Variants in UBR1 observed in about 807,000 individuals in gnomAD.
The protein encoded by UBR1 is ubiquitin protein ligase E3 component n-recognin 1.
In UBR1, 102 loss-of-function variants were observed where a neutral mutation model predicts 242.1. That is an observed-to-expected ratio of 0.42 (90% CI 0.36 to 0.50). The LOEUF is 0.50. UBR1 is among the 20% of genes least tolerant of loss of function. The pLI is 0.01. For synonymous variants in UBR1, 675 were observed against 684.8 expected (o/e 0.99, Z 0.22); for missense variants, 1,772 against 2,101.8 (o/e 0.84, Z 3.07).
At position 42,945,279 on chromosome 15, in the gene UBR1, A is replaced by C; in HGVS notation, c.*50T>G. On this transcript the variant is annotated 3_prime_UTR_variant, in exon 47 of 47. Coordinates refer to ENST00000290650, the MANE Select transcript of UBR1 (RefSeq NM_174916.3). ...AGAAAGTTTTCCATAATTTTGAATC[A>C]GCCTTTACTACTGTCGTCATTTGTG... The C allele has an allele frequency of 6.2e-7, 1 of 1,613,740 alleles. No homozygotes were observed. Among genetic ancestry groups the C allele is most frequent in the Non-Finnish European group, 8.5e-7 (1 of 1,179,802 alleles).
chr15:43,087,543 C>T (rs1439675936), intron 1 of UBR1, among the ~76,000 whole-genome samples: 1 of 152,078 alleles, frequency 6.6e-6, no homozygotes, highest in Non-Finnish European at 1.5e-5. Context: ...ATTCCATTCA[C>T]AAATAAATTC....
rs1567102883 is a variant in UBR1 at position 42,943,148 on chromosome 15, T to C, written c.*2181A>G. ...CACTAAAAGGTGAACTCACAGCCCA[T>C]ACACCAATATAATAAATTAATTATA... On this transcript the variant is annotated 3_prime_UTR_variant, in exon 47 of 47. Coordinates refer to ENST00000290650, the MANE Select transcript of UBR1 (RefSeq NM_174916.3). 6.6e-6 allele frequency: 1 copy of C among 152,556 alleles called. No individual in the cohort carries two copies. The highest frequency in any genetic ancestry group is 2.4e-5 in the African/African-American group (1 of 41,424). 9.5% of individuals were successfully genotyped at this position (152,556 alleles called of 1,614,324 possible).
At chr15:43,065,486 C>G (rs571252431) in intron 6 of UBR1, among the ~76,000 whole-genome samples, 129 of 152,248 alleles carry the variant, frequency 8.5e-4, no homozygotes, top group African/African-American at 3.0e-3. Context: ...GATCCATTAG[C>G]GATTCTTCCT....
chr15:43,050,728 A>C (rs2033544764), intron 12 of UBR1, among the ~76,000 whole-genome samples: 1 of 151,798 alleles, frequency 6.6e-6, no homozygotes, highest in African/African-American at 2.4e-5. Flanking sequence ...CGTCTTAAAA[A>C]AAAAAAAAAA....
chr15:43,059,876 A>T, intron 7 of UBR1, 51 bp from the exon 8 acceptor site: 1 of 1,606,460 alleles, frequency 6.2e-7, no homozygotes, highest in South Asian at 1.1e-5. Flanking sequence ...ATTTGCTTTT[A>T]GTTAAGGGAT....
intron 37 of UBR1, among the ~76,000 whole-genome samples, chr15:42,982,039 T>C (rs890531830): frequency 1.2e-4 from 18 of 152,248 alleles, no homozygotes; most frequent in African/African-American, 4.1e-4. Flanking sequence ...GTTAGTCTCC[T>C]TCTTTGGTGC....
chr15:42,983,800 T>C, intron 37 of UBR1, 97 bp downstream of exon 37: 2 of 713,758 alleles, frequency 2.8e-6, no homozygotes, highest in South Asian at 3.8e-5. Context: ...ATTAGTGCAG[T>C]GTATGTTGTT....
intron 4 of UBR1, among the ~76,000 whole-genome samples, chr15:43,074,687 C>A (rs1447990278): frequency 6.6e-6 from 1 of 152,166 alleles, no homozygotes; most frequent in African/African-American, 2.4e-5. Context: ...TCCCAAAGTG[C>A]CAGGATTACA....
In UBR1 at chr15:43,102,002, T is replaced by C. The variant is rs1282301140; in HGVS notation, c.81+3940A>G. ...AAAAAAAAAAAAAAAAAGCCAGGCA[T>C]GGTGGTGCATGCCTGTAATTCCAGC... On this transcript the variant is annotated intron_variant, in intron 1 of 46. Transcript: ENST00000290650. 3.7e-5 allele frequency among the ~76,000 whole-genome samples: 5 copies of C among 133,394 alleles called. No individual in the cohort carries two copies. In the South Asian group the frequency reaches 9.8e-4, roughly 26 times the overall value. The allele number at this position is 133,394 out of a possible 152,430, so 87.5% of individuals were successfully genotyped here. A position where few individuals can be genotyped will look rare whatever the true frequency, so the allele number is the denominator to read the frequency against.
At position 42,993,745 on chromosome 15, in the gene UBR1, C is replaced by T. The variant is rs1188049348; in HGVS notation, c.3758-3625G>A. 2.6e-5 allele frequency among the ~76,000 whole-genome samples: 4 copies of T among 151,436 alleles called. No homozygotes were observed. In the East Asian group the frequency reaches 5.8e-4, roughly 22 times the overall value. Reference sequence around the variant, plus strand: ...ACCAACTACTCAGGAGGCTGAGGCACGAGAATTGCTTACACCTGGGAGGCG... The same window carrying T: ...ACCAACTACTCAGGAGGCTGAGGCATGAGAATTGCTTACACCTGGGAGGCG... On this transcript the variant is annotated intron_variant, in intron 33 of 46. Coordinates refer to ENST00000290650, the MANE Select transcript of UBR1 (RefSeq NM_174916.3).
intron 27 of UBR1, chr15:43,021,012 A>G (rs928463359): frequency 4.0e-5 from 15 of 376,262 alleles, no homozygotes; most frequent in Non-Finnish European, 7.5e-5. Context: ...GCCTTGTTCC[A>G]TCTAGAAATC....
At chr15:43,014,951 G>A (rs1201988153) in intron 29 of UBR1, among the ~76,000 whole-genome samples, 2 of 149,072 alleles carry the variant, frequency 1.3e-5, no homozygotes, top group African/African-American at 4.9e-5. Context: ...CGCCCGGCCA[G>A]CTGCCCTGTC....
At chr15:43,009,939 C>A (rs1374491552) in intron 29 of UBR1, among the ~76,000 whole-genome samples, 1 of 152,176 alleles carries the variant, frequency 6.6e-6, no homozygotes, top group African/African-American at 2.4e-5. Flanking sequence ...GGCGCGATCT[C>A]GGCTCACTGC....
chr15:42,974,704 G>A (rs1338345909), intron 39 of UBR1, among the ~76,000 whole-genome samples: 1 of 152,168 alleles, frequency 6.6e-6, no homozygotes, highest in Non-Finnish European at 1.5e-5. Flanking sequence ...GACTTCCTGG[G>A]CTACAGCAAT....
Position 43,058,757 on chromosome 15 carries a change from T to C in UBR1, c.1093+328A>G, listed in dbSNP as rs1322594195. Among the ~76,000 whole-genome samples, 6 of 152,188 alleles carry C rather than the reference T, an allele frequency of 3.9e-5. No homozygotes were observed. The East Asian group carries it at 1.2e-3, about 29-fold the overall frequency. On this transcript the variant is annotated intron_variant, in intron 9 of 46. Transcript: ENST00000290650. The stretch of plus-strand genomic sequence containing the variant: ...TACGTTTTGTTCTTCATTTAGATTT[T>C]TACAATGAAAATAGCATCTTTTTCG...
chr15:43,031,248 TC>T (rs1223539018), intron 20 of UBR1, among the ~76,000 whole-genome samples: 1 of 149,258 alleles, frequency 6.7e-6, no homozygotes, highest in African/African-American at 2.5e-5. Context: ...TAACTAAAAA[TC>T]AAATCACAAG....
chr15:42,951,423 C>A (rs1247281015), intron 45 of UBR1, among the ~76,000 whole-genome samples: 1 of 152,150 alleles, frequency 6.6e-6, no homozygotes. Flanking sequence ...GGGGTTTCAC[C>A]ACGTTGGCCA....
At chr15:43,039,156 C>T (rs1219317723) in intron 15 of UBR1, among the ~76,000 whole-genome samples, 2 of 151,924 alleles carry the variant, frequency 1.3e-5, no homozygotes, top group African/African-American at 4.8e-5. Flanking sequence ...AATCACATGA[C>T]ATCAATTATG....
At chr15:43,064,390 T>C (rs1022932063) in intron 6 of UBR1, among the ~76,000 whole-genome samples, 1 of 152,048 alleles carries the variant, frequency 6.6e-6, no homozygotes, top group Admixed American at 6.6e-5. Flanking sequence ...TAAAAACACA[T>C]GGAGGAAGAT....
Sources: allele counts gnomAD v4.1 joint callset (sites outside exome capture counted in the v4.1 genomes callset), GRCh38; gene constraint gnomAD v4.1.1; transcripts MANE v1.5; gene names NCBI Gene and HGNC (gene_info 2026-07-23, HGNC 2026-07-21).